PSMD1: variants seen among roughly 807,000 people sequenced by gnomAD.
PSMD1 encodes proteasome 26S subunit, non-ATPase 1.
Under a neutral mutation model 119.0 loss-of-function variants are expected in PSMD1, and 18 were observed. That is an observed-to-expected ratio of 0.15 (90% CI 0.10 to 0.22). The LOEUF (loss-of-function observed/expected upper bound fraction) is 0.22, where lower values mean the gene tolerates loss of function less well. PSMD1 is among the 10% of genes least tolerant of loss of function. PSMD1 has a pLI of 1.00. For missense variants in PSMD1, 702 were observed against 1,158.5 expected (o/e 0.61, Z 5.72); for synonymous variants, 374 against 396.6 (o/e 0.94, Z 0.68).
intron 16 of PSMD1, among the ~76,000 whole-genome samples, chr2:231,102,440 A>G (rs976352071): frequency 3.3e-5 from 5 of 152,224 alleles, no homozygotes; most frequent in Admixed American, 1.3e-4. Flanking sequence ...TTAGCTACTC[A>G]TAGCCTATTA....
chr2:231,077,533 T>A (rs1694198142), intron 9 of PSMD1, among the ~76,000 whole-genome samples: 1 of 152,180 alleles, frequency 6.6e-6, no homozygotes, highest in African/African-American at 2.4e-5. Flanking sequence ...TTTCAATAAA[T>A]CTGTGTTTTT....
chr2:231,095,714 G>A (rs775716834), intron 16 of PSMD1, among the ~76,000 whole-genome samples: 1 of 152,142 alleles, frequency 6.6e-6, no homozygotes, highest in African/African-American at 2.4e-5. Flanking sequence ...GTATAAAAGC[G>A]GTCTTTTAAG....
chr2:231,163,601 T>C (rs781744185), intron 20 of PSMD1, 34 bp from the exon 21 acceptor site: 1 of 1,534,176 alleles, frequency 6.5e-7, no homozygotes, highest in East Asian at 2.3e-5. Flanking sequence ...ACAGAGTACT[T>C]AAAGCCAATG....
At chr2:231,147,062 C>T (rs1341132049) in intron 18 of PSMD1, among the ~76,000 whole-genome samples, 1 of 152,182 alleles carries the variant, frequency 6.6e-6, no homozygotes, top group South Asian at 2.1e-4. Context: ...CCCTCTGAAC[C>T]CCTATTCTGT....
intron 16 of PSMD1, among the ~76,000 whole-genome samples, chr2:231,132,689 C>T (rs1007508523): frequency 6.6e-6 from 1 of 152,200 alleles, no homozygotes; most frequent in African/African-American, 2.4e-5. Context: ...TAGTGATTGT[C>T]ACCCTGCTAA....
intron 17 of PSMD1, among the ~76,000 whole-genome samples, chr2:231,140,099 C>G (rs955379632): frequency 1.3e-5 from 2 of 152,122 alleles, no homozygotes; most frequent in African/African-American, 2.4e-5. Context: ...CTTTTTTTAT[C>G]ATCTGTTGTC....
intron 19 of PSMD1, among the ~76,000 whole-genome samples, chr2:231,157,669 C>A (rs905653480): frequency 1.3e-5 from 2 of 151,936 alleles, no homozygotes; most frequent in Non-Finnish European, 2.9e-5. Context: ...CGGGTTCAAG[C>A]AATTCTCCTG....
intron 13 of PSMD1, among the ~76,000 whole-genome samples, chr2:231,083,273 G>C (rs929000803): frequency 6.6e-6 from 1 of 152,150 alleles, no homozygotes; most frequent in Non-Finnish European, 1.5e-5. Context: ...ACTGCTTGGC[G>C]ATAATATAGA....
In PSMD1 at chr2:231,072,192, T is replaced by C; in HGVS notation, c.658T>C (p.Leu220=). 1 of 1,609,436 alleles carries C rather than the reference T, an allele frequency of 6.2e-7. No individual in the cohort carries two copies. Among genetic ancestry groups the C allele is most frequent in the East Asian group, 2.2e-5 (1 of 44,868 alleles). The change falls in exon 7 of 25, where the codon TTA becomes CTA. Residue 220 remains leucine, a synonymous_variant. Coordinates refer to ENST00000308696, the MANE Select transcript of PSMD1 (RefSeq NM_002807.4). ...TTGTTCTTTATCTCCATTTCAGTGCTTAATTTTCTTAGATGATCCTCAGGC... is the reference window on the plus strand; with the variant it reads ...TTGTTCTTTATCTCCATTTCAGTGCCTAATTTTCTTAGATGATCCTCAGGC... ...KPDFINVCQC[L]IFLDDPQAVS...
intron 16 of PSMD1, chr2:231,108,441 T>G (rs895655952): frequency 5.8e-6 from 6 of 1,028,524 alleles, no homozygotes; most frequent in Non-Finnish European, 8.9e-6. Context: ...ATTCTTTATA[T>G]AATATATTCT....
intron 16 of PSMD1, among the ~76,000 whole-genome samples, chr2:231,107,923 G>A (rs1695015012): frequency 6.6e-6 from 1 of 152,200 alleles, no homozygotes; most frequent in Non-Finnish European, 1.5e-5. Context: ...CTAGTTCCAA[G>A]TTCTTGTTAT....
chr2:231,103,660 C>T (rs1559231152), intron 16 of PSMD1, among the ~76,000 whole-genome samples: 1 of 152,038 alleles, frequency 6.6e-6, no homozygotes, highest in Non-Finnish European at 1.5e-5. Flanking sequence ...AATTTGGTTT[C>T]ATAATTACAT....
chr2:231,057,289 G>GC (rs1693621821), intron 1 of PSMD1, among the ~76,000 whole-genome samples: 2 of 152,152 alleles, frequency 1.3e-5, no homozygotes, highest in Admixed American at 6.5e-5. Context: ...CCCAGCGCCA[G>GC]GACCCGAGGG....
At chr2:231,058,620 G>C (rs949927747) in intron 1 of PSMD1, among the ~76,000 whole-genome samples, 3 of 151,760 alleles carry the variant, frequency 2.0e-5, no homozygotes, top group African/African-American at 7.3e-5. Context: ...GAGCCAAAAG[G>C]TTGGACACCC....
Position 231,092,843 on chromosome 2 carries a change from A to C in PSMD1, c.1883+5662A>C, listed in dbSNP as rs138696654. ...TGGTTGCATTGCCCGGTTTGAGGCT[A>C]TCTGCAACCAAGAATGTTAAGGCAT... On this transcript the variant is annotated intron_variant, in intron 16 of 24. Transcript: ENST00000308696. 1.3e-3 allele frequency among the ~76,000 whole-genome samples: 203 copies of C among 152,332 alleles called. 1 individual carries two copies. Among genetic ancestry groups the C allele is most frequent in the African/African-American group, 4.5e-3 (189 of 41,564 alleles).
At chr2:231,119,966 T>TC (rs1196332810) in intron 16 of PSMD1, among the ~76,000 whole-genome samples, 1 of 149,118 alleles carries the variant, frequency 6.7e-6, no homozygotes, top group African/African-American at 2.5e-5. Context: ...TTTTTTTTTT[T>TC]CCCTGAGACA....
At chr2:231,062,410 T>G in intron 3 of PSMD1, 89 bp downstream of exon 3, 1 of 1,532,368 alleles carries the variant, frequency 6.5e-7, no homozygotes. Context: ...ATTTAGAAAT[T>G]TGCTGTTAAC....
intron 17 of PSMD1, among the ~76,000 whole-genome samples, chr2:231,139,985 C>A (rs1045481283): frequency 6.6e-6 from 1 of 152,170 alleles, no homozygotes; most frequent in African/African-American, 2.4e-5. Flanking sequence ...TATGCACAAA[C>A]CTTGGCCACC....
chr2:231,079,641 G>A (rs755702981), intron 11 of PSMD1, 27 bp downstream of exon 11: 5 of 1,419,808 alleles, frequency 3.5e-6, no homozygotes, highest in Non-Finnish European at 4.8e-6. Flanking sequence ...AGTGTATACA[G>A]GCATCAGAAA....
Sources: gnomAD v4.1 joint callset for allele counts (sites outside exome capture counted in the v4.1 genomes callset) on GRCh38, gnomAD v4.1.1 for gene constraint, MANE v1.5 for transcripts, NCBI Gene and HGNC (gene_info 2026-07-23, HGNC 2026-07-21) for gene names.